The following COL3A1 variants were observed in gnomAD, a reference collection of about 807,000 sequenced individuals.
COL3A1 encodes the protein collagen alpha-1(III) chain.
COL3A1 carries 46 observed loss-of-function variants against 200.9 expected under a neutral mutation model. That is an observed-to-expected ratio of 0.23 (90% confidence interval 0.18 to 0.29). The LOEUF (loss-of-function observed/expected upper bound fraction) is 0.29. COL3A1 is among the 10% of genes least tolerant of loss of function. COL3A1 has a pLI of 1.00. For missense variants in COL3A1, 1,367 were observed against 1,917.6 expected, an observed-to-expected ratio of 0.71 and a Z score of 5.36; for synonymous variants, 650 against 628.0, an observed-to-expected ratio of 1.03 and a Z score of -0.52.
At position 188,984,825 on chromosome 2, in the gene COL3A1, C is replaced by G. The variant is rs1234344050; in HGVS notation, c.145C>G (p.Pro49Ala). The G allele has an allele frequency of 6.2e-7, 1 of 1,613,184 alleles. No individual in the cohort carries two copies. Among genetic ancestry groups the G allele is most frequent in the South Asian group, 1.1e-5 (1 of 91,072 alleles). Residue 49 changes from proline (P) to alanine (A), a missense_variant, in exon 2 of 51, where the codon CCA (proline) becomes GCA (alanine). Around this residue, in one of 5 missense-constraint regions of COL3A1, gnomAD observed 3 missense variants for 17.3 expected, o/e 0.17. Transcript: ENST00000304636. The part of the protein sequence containing the change: ...YADRDVWKPE[P>A]CQICVCDSGS... ...GGATAGAGATGTCTGGAAGCCAGAA[C>G]CATGCCAAATATGTGTCTGTGACTC... is the stretch of plus-strand genomic sequence containing the variant.
At chr2:188,976,932 G>C (rs1687831960) in intron 1 of COL3A1, among the ~76,000 whole-genome samples, 1 of 152,106 alleles carries the variant, frequency 6.6e-6, no homozygotes, top group South Asian at 2.1e-4. Flanking sequence ...GCTGGCTTTG[G>C]TAGTTTATAA....
intron 1 of COL3A1, among the ~76,000 whole-genome samples, chr2:188,981,868 A>C (rs1687960490): frequency 6.6e-6 from 1 of 151,694 alleles, no homozygotes; most frequent in African/African-American, 2.4e-5. Context: ...AGGAAGCTAT[A>C]CAAAACTATT....
chr2:189,006,979 C>T lies in COL3A1; in HGVS notation c.3244C>T (p.Arg1082Ter). 1.9e-6 allele frequency: 3 copies of T among 1,612,390 alleles called. No individual in the cohort carries two copies. Among genetic ancestry groups the T allele is most frequent in the East Asian group, 2.2e-5 (1 of 44,820 alleles). The change falls in exon 44 of 51, where the codon CGA becomes TGA. Residue 1082 changes from arginine to a stop codon, truncating the protein, a stop_gained. Coordinates refer to ENST00000304636, the MANE Select transcript of COL3A1 (RefSeq NM_000090.4). LOFTEE classifies it high-confidence loss of function. ...PAGAPGPAGS[R>*]GAPGPQGPRG... ...TGGTGCTCCCGGTCCTGCTGGTTCC[C>T]GAGGTGCTCCTGTAAGTTTTGTCAT...
At chr2:189,005,265 T>C in intron 40 of COL3A1, 85 bp from the exon 41 acceptor site, 1 of 1,248,260 alleles carries the variant, frequency 8.0e-7, no homozygotes, top group Non-Finnish European at 1.2e-6. Flanking sequence ...ATAAGTTTTT[T>C]ACCTGAAAAT....
intron 40 of COL3A1, 34 bp from the exon 41 acceptor site, chr2:189,005,316 T>C (rs1381168315): frequency 7.7e-6 from 12 of 1,566,318 alleles, no homozygotes; most frequent in Middle Eastern, 1.7e-4. Flanking sequence ...TTTCTTAAGT[T>C]GAAACAAAAT....
At position 188,998,648 on chromosome 2, in the gene COL3A1, C is replaced by T. The variant is rs775404953; in HGVS notation, c.1978-26C>T. The T allele has an allele frequency of 4.3e-6, 7 of 1,610,504 alleles. No individual in the cohort carries two copies. In the African/African-American group the frequency reaches 6.7e-5, roughly 15 times the overall value. On this transcript the variant is annotated intron_variant, in intron 28 of 50. Transcript: ENST00000304636. The stretch of plus-strand genomic sequence containing the variant: ...ACATAAAATGCACTCTGATATGGGC[C>T]TAATCATATAATGCCAATCTCCCAG...
At chr2:188,992,054 T>A in intron 13 of COL3A1, 130 bp from the exon 14 acceptor site, 1 of 862,332 alleles carries the variant, frequency 1.2e-6, no homozygotes, top group Non-Finnish European at 2.0e-6. Flanking sequence ...TTAAAATACA[T>A]AATTATTAAG....
At position 188,999,680 on chromosome 2, in the gene COL3A1, G is replaced by T. The variant is rs879709833; in HGVS notation, c.2229+103G>T. ...AATCGACTGTATTTTCAAAATTAAT[G>T]TTATCATTTTATAGTAAGTGAAATT... On this transcript the variant is annotated intron_variant, in intron 31 of 50. Transcript: ENST00000304636. The T allele has an allele frequency of 2.1e-6, 3 of 1,419,014 alleles. No individual in the cohort carries two copies. The Admixed American group carries it at 5.8e-5, about 28-fold the overall frequency. The allele number at this position is 1,419,014 out of a possible 1,614,324, so 87.9% of individuals were successfully genotyped here.
In COL3A1 at chr2:189,009,098, A is replaced by T. The variant is rs1164003247; in HGVS notation, c.3700A>T (p.Ile1234Phe). ...GGATTTCAAAATCAACACCGATGAG[A>T]TTATGACTTCACTCAAGTCTGTTAA... is the stretch of plus-strand genomic sequence containing the variant. ...PMDFKINTDE[I>F]MTSLKSVNGQ... Residue 1234 changes from isoleucine (I) to phenylalanine (F), a missense_variant, in exon 48 of 51, where the codon ATT becomes TTT. Ile to Phe is a conservative substitution (Grantham distance 21). Coordinates refer to ENST00000304636, the MANE Select transcript of COL3A1 (RefSeq NM_000090.4). 6.2e-7 allele frequency: 1 copy of T among 1,614,222 alleles called. No individual in the cohort carries two copies. Among genetic ancestry groups the T allele is most frequent in the Admixed American group, 1.7e-5 (1 of 60,028 alleles).
Position 188,994,513 on chromosome 2 carries a change from T to C in COL3A1, c.1294-28T>C. 1 of 1,613,720 alleles carries C rather than the reference T, an allele frequency of 6.2e-7. No homozygotes were observed. On this transcript the variant is annotated intron_variant, in intron 18 of 50. Coordinates refer to ENST00000304636, the MANE Select transcript of COL3A1 (RefSeq NM_000090.4). The surrounding 1 kb of genome is among the most constrained non-coding windows in gnomAD (Gnocchi z 4.5). ...ATTTGTTAGTCGAATCCTCCCTGTG[T>C]TTCAACCAAGACTTTGTTATACTTT...
At chr2:189,007,467 T>C in intron 44 of COL3A1, 33 bp from the exon 45 acceptor site, 1 of 1,497,926 alleles carries the variant, frequency 6.7e-7, no homozygotes, top group East Asian at 2.3e-5. Flanking sequence ...TGTATGTGTG[T>C]ATATGACTTC....
chr2:188,990,396 C>T, intron 10 of COL3A1, 36 bp downstream of exon 10: 1 of 1,565,186 alleles, frequency 6.4e-7, no homozygotes, highest in Non-Finnish European at 8.8e-7. Flanking sequence ...CAAGGTATTC[C>T]ACTGGGCTAT....
chr2:188,988,828 T>C (rs1324337532), intron 7 of COL3A1, among the ~76,000 whole-genome samples, 185 bp downstream of exon 7: 1 of 151,988 alleles, frequency 6.6e-6, no homozygotes, highest in East Asian at 1.9e-4. Context: ...TTAGAGACAC[T>C]AGTTAATAAA....
At chr2:188,989,581 T>C (rs1688136509) in intron 8 of COL3A1, 132 bp downstream of exon 8, 1 of 702,388 alleles carries the variant, frequency 1.4e-6, no homozygotes, top group South Asian at 1.9e-5. Context: ...AACAACATTT[T>C]AGTTAATACT....
Position 189,010,196 on chromosome 2 carries a change from C to T in COL3A1, c.3842C>T (p.Pro1281Leu). 1.2e-6 allele frequency: 2 copies of T among 1,614,088 alleles called. No individual in the cohort carries two copies. Among genetic ancestry groups the T allele is most frequent in the Non-Finnish European group, 1.7e-6 (2 of 1,179,994 alleles). Residue 1281 changes from proline (P) to leucine (L), a missense_variant, in exon 49 of 51, where the codon CCT (proline) becomes CTT (leucine). Transcript: ENST00000304636. ...TATTCAGGAGAATACTGGGTTGACC[C>T]TAACCAAGGATGCAAATTGGATGCT... The part of the protein sequence containing the change: ...ELKSGEYWVD[P>L]NQGCKLDAIK...
At chr2:188,998,567 T>C in intron 28 of COL3A1, 107 bp from the exon 29 acceptor site, 1 of 1,179,738 alleles carries the variant, frequency 8.5e-7, no homozygotes, top group Non-Finnish European at 1.2e-6. Flanking sequence ...ACATGACAAA[T>C]GTGTATTTTG....
intron 1 of COL3A1, among the ~76,000 whole-genome samples, chr2:188,982,950 A>G (rs553480148): frequency 5.0e-4 from 71 of 141,726 alleles, no homozygotes; most frequent in South Asian, 2.4e-3. Context: ...AGTTTAATGC[A>G]TAGACTCACC....
intron 16 of COL3A1, 74 bp downstream of exon 16, chr2:188,993,533 C>A (rs1392964409): frequency 1.6e-5 from 20 of 1,239,762 alleles, no homozygotes; most frequent in Non-Finnish European, 2.3e-5. Flanking sequence ...CATGCTTACT[C>A]CATGAAAGCA....
At chr2:189,003,519 T>C in intron 37 of COL3A1, 55 bp downstream of exon 37, 1 of 1,544,316 alleles carries the variant, frequency 6.5e-7, no homozygotes, top group Non-Finnish European at 8.9e-7. Flanking sequence ...TATCAACCTG[T>C]ATAAAAGCTG....
Sources: allele counts gnomAD v4.1 joint callset (sites outside exome capture counted in the v4.1 genomes callset), GRCh38; gene constraint gnomAD v4.1.1; regional missense constraint gnomAD v4.1.1; non-coding constraint Gnocchi (gnomAD v3.1); transcripts MANE v1.5; gene names NCBI Gene and HGNC (gene_info 2026-07-23, HGNC 2026-07-21).